HECW2: variants seen among roughly 807,000 people sequenced by gnomAD.
HECW2 encodes HECT, C2 and WW domain containing E3 ubiquitin protein ligase 2, also known as E3 ubiquitin-protein ligase HECW2.
In HECW2, 61 loss-of-function variants were observed where a neutral mutation model predicts 175.2. That is an observed-to-expected ratio of 0.35 (90% CI 0.28 to 0.43). HECW2 has a LOEUF of 0.43. Among genes scored for constraint, HECW2 ranks in the 20% least tolerant of loss-of-function variants. The pLI is 1.00. For missense variants in HECW2, 1,524 were observed against 2,000.5 expected (o/e 0.76, Z 4.54); for synonymous variants, 671 against 731.0 (o/e 0.92, Z 1.32).
Position 196,271,260 on chromosome 2 carries a change from G to A in HECW2, c.3268C>T (p.Arg1090Cys), listed in dbSNP as rs1168368899. Reference sequence around the variant, plus strand: ...AGAATTTCAAAGATATTGGGTTGACGTAGAAATGCAACAATCTTGTCATTG... The same window carrying A: ...AGAATTTCAAAGATATTGGGTTGACATAGAAATGCAACAATCTTGTCATTG... ...AYNDKIVAFLRQPNIFEILQE... is the reference protein window; with the variant it reads ...AYNDKIVAFLCQPNIFEILQE... Residue 1090 changes from arginine (R) to cysteine (C), a missense_variant, in exon 17 of 29, where the codon CGT (arginine) becomes TGT (cysteine). This residue lies in a region of HECW2 where 291 missense variants were observed against 412.2 expected (regional missense o/e 0.71). Transcript: ENST00000644978. 3.7e-6 allele frequency: 6 copies of A among 1,608,836 alleles called. No homozygotes were observed. Among genetic ancestry groups the A allele is most frequent in the Non-Finnish European group, 5.1e-6 (6 of 1,175,556 alleles).
chr2:196,465,374 T>C (rs540123388), intron 1 of HECW2, among the ~76,000 whole-genome samples: 1 of 152,278 alleles, frequency 6.6e-6, no homozygotes, highest in South Asian at 2.1e-4. Context: ...TAGATTAATC[T>C]GTGAAGCAGT....
At chr2:196,570,283 T>C (rs2125512737) in intron 1 of HECW2, among the ~76,000 whole-genome samples, 1 of 152,302 alleles carries the variant, frequency 6.6e-6, no homozygotes, top group African/African-American at 2.4e-5. Flanking sequence ...GTCAATTATC[T>C]CAGATTATAA....
intron 2 of HECW2, among the ~76,000 whole-genome samples, chr2:196,411,143 TAC>T (rs1425201219): frequency 2.0e-5 from 3 of 152,140 alleles, no homozygotes; most frequent in Admixed American, 2.0e-4. Flanking sequence ...GGACTACAGG[TAC>T]ACACTACCAT....
intron 1 of HECW2, among the ~76,000 whole-genome samples, chr2:196,571,496 G>C (rs985163258): frequency 6.6e-6 from 1 of 152,094 alleles, no homozygotes; most frequent in Non-Finnish European, 1.5e-5. Context: ...ATCACTTGAG[G>C]TCAGGAGTTT....
intron 1 of HECW2, among the ~76,000 whole-genome samples, chr2:196,565,959 T>C (rs1002733409): frequency 6.6e-6 from 1 of 152,186 alleles, no homozygotes; most frequent in Admixed American, 6.5e-5. Context: ...TGTTTTTCTT[T>C]AGGCTAGTAA....
chr2:196,274,264 G>T (rs1013741394), intron 15 of HECW2, 141 bp from the exon 16 acceptor site: 13 of 624,972 alleles, frequency 2.1e-5, no homozygotes, highest in African/African-American at 1.8e-4. Flanking sequence ...CTGTGGGGCT[G>T]AAGCAGGGTT....
intron 1 of HECW2, among the ~76,000 whole-genome samples, chr2:196,465,396 A>G (rs1696911765): frequency 6.6e-6 from 1 of 152,168 alleles, no homozygotes; most frequent in Admixed American, 6.5e-5. Context: ...GTTAGCTTTA[A>G]TTAGGAATCC....
chr2:196,469,767 G>A (rs953179), intron 1 of HECW2, among the ~76,000 whole-genome samples: 1 of 151,306 alleles, frequency 6.6e-6, no homozygotes, highest in South Asian at 2.1e-4. Context: ...CCATATGAGA[G>A]AACAAGTAGT....
intron 5 of HECW2, among the ~76,000 whole-genome samples, chr2:196,329,112 A>G (rs1386487855): frequency 6.6e-6 from 1 of 152,148 alleles, no homozygotes; most frequent in Admixed American, 6.5e-5. Flanking sequence ...CATACAAGCA[A>G]TTTGAACATT....
chr2:196,224,348 A>T (rs974325327), intron 23 of HECW2, among the ~76,000 whole-genome samples: 18 of 152,162 alleles, frequency 1.2e-4, no homozygotes, highest in Admixed American at 1.1e-3. Context: ...GTGAGGCTAC[A>T]CCTTAAGGGA....
At chr2:196,499,112 C>T (rs1256300082) in intron 1 of HECW2, among the ~76,000 whole-genome samples, 5 of 152,262 alleles carry the variant, frequency 3.3e-5, no homozygotes, top group Admixed American at 3.3e-4. Context: ...TCCCCCATCT[C>T]CTTGCTCAGC....
chr2:196,468,622 C>T (rs1697057931), intron 1 of HECW2, among the ~76,000 whole-genome samples: 1 of 152,340 alleles, frequency 6.6e-6, no homozygotes, highest in Non-Finnish European at 1.5e-5. Context: ...GCAGACCACA[C>T]TTTAAGTGGC....
chr2:196,369,342 GTCTCTCTCTCTCTCTCTCTCTC>G (rs71410611), intron 2 of HECW2, among the ~76,000 whole-genome samples: 11,012 of 131,564 alleles, frequency 0.084, 657 homozygotes, highest in African/African-American at 0.19. Flanking sequence ...AACAAATGGA[GTCTCTCTCTCTCTCTCTCTCTC>G]TCTCTCTCTC....
chr2:196,476,547 G>A lies in HECW2; in HGVS notation c.-35-43089C>T, dbSNP rs185549891. Among the ~76,000 whole-genome samples, 90 of 151,978 alleles carry A rather than the reference G, an allele frequency of 5.9e-4. No individual in the cohort carries two copies. The East Asian group carries it at 9.3e-3, about 16-fold the overall frequency. ...TGCTTAAAACAGTGCCCAGCAGAAA[G>A]TTATCTCTCAATAAATGTTAGGAAT... On this transcript the variant is annotated intron_variant, in intron 1 of 28. Coordinates refer to ENST00000644978, the MANE Select transcript of HECW2 (RefSeq NM_001348768.2).
At chr2:196,360,778 C>T (rs1693560776) in intron 2 of HECW2, among the ~76,000 whole-genome samples, 1 of 152,196 alleles carries the variant, frequency 6.6e-6, no homozygotes, top group African/African-American at 2.4e-5. Context: ...AGTGACTGCT[C>T]TCTGTGGGTC....
At chr2:196,362,071 ACAGGATTCCGG>A in intron 2 of HECW2, 1 of 985,350 alleles carries the variant, frequency 1.0e-6, no homozygotes. Context: ...GAAATACTAG[ACAGGATTCCGG>A]CAGGTCTCTA....
intron 19 of HECW2, among the ~76,000 whole-genome samples, chr2:196,247,182 C>T (rs951863503): frequency 1.3e-5 from 2 of 152,016 alleles, no homozygotes; most frequent in South Asian, 2.1e-4. Flanking sequence ...ACCCAGGAGG[C>T]GGAGGTTGCA....
chr2:196,367,601 AT>A lies in HECW2; in HGVS notation c.293-23838del, dbSNP rs544157023. 2.3e-3 allele frequency among the ~76,000 whole-genome samples: 352 copies of A among 152,118 alleles called. 3 individuals are homozygous for A. Among genetic ancestry groups the A allele is most frequent in the African/African-American group, 8.1e-3 (338 of 41,502 alleles). ...GATCTTATTCATTCTATCTAACCAT[AT>A]TTTTTTATACATAAACCATCTGCAC... is the stretch of plus-strand genomic sequence containing the variant. On this transcript the variant is annotated intron_variant, in intron 2 of 28. Coordinates refer to ENST00000644978, the MANE Select transcript of HECW2 (RefSeq NM_001348768.2).
chr2:196,240,471 C>G lies in HECW2; in HGVS notation c.3742G>C (p.Val1248Leu), dbSNP rs757684316. Residue 1248 changes from valine (V) to leucine (L), a missense_variant, in exon 21 of 29, where the codon GTC (valine) becomes CTC (leucine). Transcript: ENST00000644978. ...CACCCTTCCTCCCCAACGAAGGTGA[C>G]ATATAGCTTATTTCTCTGCAGGTCT... ...RKDLQRNKLY[V>L]TFVGEEGLDY... The G allele has an allele frequency of 6.2e-7, 1 of 1,611,760 alleles. No individual in the cohort carries two copies.
Sources: allele counts gnomAD v4.1 joint callset (sites outside exome capture counted in the v4.1 genomes callset), GRCh38; gene constraint gnomAD v4.1.1; regional missense constraint gnomAD v4.1.1; transcripts MANE v1.5; gene names NCBI Gene and HGNC (gene_info 2026-07-23, HGNC 2026-07-21).